Variants in TMEM59 observed in about 807,000 individuals in gnomAD.
TMEM59 encodes the protein dendritic cell factor 1.
A neutral mutation model predicts 42.2 loss-of-function variants in TMEM59; 44 were observed. The observed-to-expected ratio is 1.04, with a 90% CI of 0.82 to 1.34. The LOEUF (loss-of-function observed/expected upper bound fraction) is 1.34. TMEM59 is among the 40% of genes most tolerant of loss of function. The probability of loss-of-function intolerance (pLI) is 0.00; values close to 1 mark genes in which losing one functional copy is unlikely to be tolerated. For missense variants in TMEM59, 359 were observed against 382.8 expected, an observed-to-expected ratio of 0.94 and a Z score of 0.52; for synonymous variants, 148 against 145.8, an observed-to-expected ratio of 1.02 and a Z score of -0.11.
intron 6 of TMEM59, among the ~76,000 whole-genome samples, chr1:54,039,574 A>C (rs935330214): frequency 1.3e-5 from 2 of 152,214 alleles, no homozygotes; most frequent in Non-Finnish European, 2.9e-5. Flanking sequence ...TTAATTTGTA[A>C]GGTCCACATA....
rs1321334751 is a variant in TMEM59, at chr1:54,053,190, T to C, written c.-2A>G. The C allele has an allele frequency of 6.2e-7, 1 of 1,613,782 alleles. No individual in the cohort carries two copies. Among genetic ancestry groups the C allele is most frequent in the Non-Finnish European group, 8.5e-7 (1 of 1,179,918 alleles). Reference sequence around the variant, plus strand: ...GAGGCTCCCCTTCGGCGCCGCCATCTTGTTCCCCTCTGTCACAGCAGCTCA... The same window carrying C: ...GAGGCTCCCCTTCGGCGCCGCCATCCTGTTCCCCTCTGTCACAGCAGCTCA... On this transcript the variant is annotated 5_prime_UTR_variant, in exon 1 of 8. Transcript: ENST00000234831.
intron 2 of TMEM59, among the ~76,000 whole-genome samples, chr1:54,046,749 C>G (rs1657352009): frequency 6.6e-6 from 1 of 152,126 alleles, no homozygotes; most frequent in Non-Finnish European, 1.5e-5. Flanking sequence ...CAATTGTGTC[C>G]TGATTATAGG....
Position 54,040,802 on chromosome 1 carries a change from A to G in TMEM59, c.661T>C (p.Phe221Leu), listed in dbSNP as rs1467397956. 2 of 1,613,782 alleles carry G rather than the reference A, an allele frequency of 1.2e-6. No homozygotes were observed. The highest frequency in any genetic ancestry group is 1.7e-6 in the Non-Finnish European group (2 of 1,179,814). ...CCATCACTTTCTCCATCTTCAAGAA[A>G]ATTCCTGTGCGCTTGTGAATTTCTC... Reference protein sequence around the residue: ...QMRNSQAHRNFLEDGESDGFL... With the variant: ...QMRNSQAHRNLLEDGESDGFL... The change falls in exon 6 of 8, where the codon TTT (phenylalanine) becomes CTT (leucine). Residue 221 changes from phenylalanine to leucine, a missense_variant. By Grantham distance (22) the Phe-to-Leu change is conservative. Coordinates refer to ENST00000234831, the MANE Select transcript of TMEM59 (RefSeq NM_004872.5).
Position 54,040,774 on chromosome 1 carries a change from A to C in TMEM59, c.689T>G (p.Phe230Cys). The C allele has an allele frequency of 6.2e-7, 1 of 1,613,776 alleles. No individual in the cohort carries two copies. Among genetic ancestry groups the C allele is most frequent in the Non-Finnish European group, 8.5e-7 (1 of 1,179,750 alleles). ...NFLEDGESDG[F>C]LRCLSLNSGW... is the part of the protein sequence containing the mutation. Reference sequence around the variant, plus strand: ...TACATACAGAGAGAGGCATCTTAAAAAGCCATCACTTTCTCCATCTTCAAG... The same window carrying C: ...TACATACAGAGAGAGGCATCTTAAACAGCCATCACTTTCTCCATCTTCAAG... Residue 230 changes from phenylalanine (F) to cysteine (C), a missense_variant, in exon 6 of 8, where the codon TTT becomes TGT. Phe to Cys is a radical substitution (Grantham distance 205, BLOSUM62 -2). Coordinates refer to ENST00000234831, the MANE Select transcript of TMEM59 (RefSeq NM_004872.5).
Position 54,053,002 on chromosome 1 carries a change from T to TA in TMEM59, c.186dup (p.Lys63Ter), listed in dbSNP as rs1557682739. 1 of 1,612,460 alleles carries TA rather than the reference T, an allele frequency of 6.2e-7. No homozygotes were observed. Among genetic ancestry groups the TA allele is most frequent in the South Asian group, 1.1e-5 (1 of 90,890 alleles). Reference sequence around the variant, plus strand: ...AGCCCGCTCCGGACGGGCCCTACCTTAGGGTAGGTGTGCAAGGGGTAGGTC... The same window carrying TA: ...AGCCCGCTCCGGACGGGCCCTACCTTAAGGGTAGGTGTGCAAGGGGTAGGTC... On this transcript the variant is annotated frameshift_variant, in exon 1 of 8. Transcript: ENST00000234831. LOFTEE classifies it high-confidence loss of function.
Position 54,043,257 on chromosome 1 carries a change from T to A in TMEM59, c.543+116A>T, listed in dbSNP as rs932053918. 3 of 947,976 alleles carry A rather than the reference T, an allele frequency of 3.2e-6. No individual in the cohort carries two copies. In the African/African-American group the frequency reaches 5.2e-5, roughly 16 times the overall value. The allele number at this position is 947,976 out of a possible 1,614,324, so 58.7% of individuals were successfully genotyped here. ...TGTAGGGCCAAATAAGTAATTATTA[T>A]TTGATGATAAATATTTGTAAGTGAC... On this transcript the variant is annotated intron_variant, in intron 4 of 7. Transcript: ENST00000234831.
At chr1:54,053,438 T>C (rs983686423), upstream of TMEM59, 11 of 521,996 alleles carry the variant, frequency 2.1e-5, no homozygotes, top group Middle Eastern at 5.0e-4. Flanking sequence ...AAGCGGGGCC[T>C]CCTGACTTCT....
rs961739160 is a variant in TMEM59 at position 54,030,476 on chromosome 1, AC to A, written c.*1673del. 1.3e-5 allele frequency: 2 copies of A among 151,994 alleles called. No homozygotes were observed. Among genetic ancestry groups the A allele is most frequent in the African/African-American group, 4.8e-5 (2 of 41,322 alleles). The allele number at this position is 151,994 out of a possible 1,614,324, so 9.4% of individuals were successfully genotyped here. On this transcript the variant is annotated 3_prime_UTR_variant, in exon 8 of 8. Coordinates refer to ENST00000234831, the MANE Select transcript of TMEM59 (RefSeq NM_004872.5). Reference sequence around the variant, plus strand: ...CCCATGTTTGTTTGTATTTTTTTGTACAGAGAGGGTCTTGCTATGTTGCCCA... The same window carrying A: ...CCCATGTTTGTTTGTATTTTTTTGTAAGAGAGGGTCTTGCTATGTTGCCCA...
At position 54,041,604 on chromosome 1, in the gene TMEM59, C is replaced by T. The variant is rs779109001; in HGVS notation, c.625+120G>A. 4.8e-4 allele frequency: 363 copies of T among 753,808 alleles called. No homozygotes were observed. The Middle Eastern group carries it at 5.4e-3, about 11-fold the overall frequency. 46.7% of individuals were successfully genotyped at this position (753,808 alleles called of 1,614,324 possible). ...TGTAATACACATGAAAGTTTGAGAA[C>T]CACTGTTTTAGAAATTATCTGTTTA... is the stretch of plus-strand genomic sequence containing the variant. On this transcript the variant is annotated intron_variant, in intron 5 of 7. Coordinates refer to ENST00000234831, the MANE Select transcript of TMEM59 (RefSeq NM_004872.5).
chr1:54,051,845 C>CT (rs1023185338), intron 1 of TMEM59, among the ~76,000 whole-genome samples: 10 of 152,168 alleles, frequency 6.6e-5, no homozygotes, highest in Admixed American at 2.6e-4. Context: ...TTCTCCCACA[C>CT]TTTTTTTTGA....
At chr1:54,048,984 T>C (rs1657438883) in intron 1 of TMEM59, among the ~76,000 whole-genome samples, 1 of 152,234 alleles carries the variant, frequency 6.6e-6, no homozygotes, top group African/African-American at 2.4e-5. Flanking sequence ...AATTATTTTA[T>C]GTCTCTGGAG....
In TMEM59 at chr1:54,040,046, C is replaced by G. The variant is rs1181078225; in HGVS notation, c.707+710G>C. 2.6e-5 allele frequency among the ~76,000 whole-genome samples: 4 copies of G among 152,112 alleles called. No homozygotes were observed. The East Asian group carries it at 7.7e-4, about 29-fold the overall frequency. ...TATTCCTTAGTATAGAATACAAAGC[C>G]CTTCTTAATCTAGAGTCTTTATCCA... On this transcript the variant is annotated intron_variant, in intron 6 of 7. Transcript: ENST00000234831.
In TMEM59 at chr1:54,029,599, TG is replaced by T. The variant is rs1656703114; in HGVS notation, c.*2550del. On this transcript the variant is annotated 3_prime_UTR_variant, in exon 8 of 8. Coordinates refer to ENST00000234831, the MANE Select transcript of TMEM59 (RefSeq NM_004872.5). ...GAGAAGGGGCTTGGAAGCTCAGTTT[TG>T]TTGCTTTGGTTGGGATTTTCAAGAT... The T allele has an allele frequency of 6.6e-6, 1 of 152,222 alleles. No homozygotes were observed. The highest frequency in any genetic ancestry group is 6.5e-5 in the Admixed American group (1 of 15,288). 9.4% of individuals were successfully genotyped at this position (152,222 alleles called of 1,614,324 possible). A position where few individuals can be genotyped will look rare whatever the true frequency, so the allele number is the denominator to read the frequency against.
chr1:54,046,396 T>C (rs1375279537), intron 2 of TMEM59, among the ~76,000 whole-genome samples: 2 of 152,212 alleles, frequency 1.3e-5, no homozygotes, highest in East Asian at 1.9e-4. Flanking sequence ...ATAATTCTAA[T>C]GTTGAAATGG....
chr1:54,036,568 T>C (rs1656955605), intron 7 of TMEM59, 42 bp downstream of exon 7: 2 of 1,428,782 alleles, frequency 1.4e-6, no homozygotes, highest in Non-Finnish European at 1.9e-6. Flanking sequence ...TAAAATGATA[T>C]ATCACAGGGC....
Position 54,040,836 on chromosome 1 carries a change from A to G in TMEM59, c.627T>C (p.Tyr209=). The change falls in exon 6 of 8, where the codon TAT becomes TAC. Residue 209 remains tyrosine (Y), a splice_region_variant and synonymous_variant. Coordinates refer to ENST00000234831, the MANE Select transcript of TMEM59 (RefSeq NM_004872.5). ...LRESSLSKMS[Y]LQMRNSQAHR... ...GCGCTTGTGAATTTCTCATTTGCAG[A>G]TCTGCTGAAATAGTAAGTATGAGTT... 1 of 1,613,278 alleles carries G rather than the reference A, an allele frequency of 6.2e-7. No homozygotes were observed. The highest frequency in any genetic ancestry group is 1.1e-5 in the South Asian group (1 of 91,040).
chr1:54,039,794 C>T (rs974870190), intron 6 of TMEM59, among the ~76,000 whole-genome samples: 11 of 152,038 alleles, frequency 7.2e-5, no homozygotes, highest in African/African-American at 2.7e-4. Flanking sequence ...AGTGGTATGG[C>T]CCACTATCTT....
At position 54,028,490 on chromosome 1, in the gene TMEM59, T is replaced by G. The variant is rs959990018; in HGVS notation, c.*3660A>C. 1 of 152,206 alleles carries G rather than the reference T, an allele frequency of 6.6e-6. No individual in the cohort carries two copies. Among genetic ancestry groups the G allele is most frequent in the African/African-American group, 2.4e-5 (1 of 41,424 alleles). The allele number at this position is 152,206 out of a possible 1,614,324, so 9.4% of individuals were successfully genotyped here. On this transcript the variant is annotated 3_prime_UTR_variant, in exon 8 of 8. Transcript: ENST00000234831. Reference sequence around the variant, plus strand: ...CTCAGGATCAAGTGCAGGTTTAAAGTGCAGGTTTATTACCTGGTCTGCCTA... The same window carrying G: ...CTCAGGATCAAGTGCAGGTTTAAAGGGCAGGTTTATTACCTGGTCTGCCTA...
intron 7 of TMEM59, among the ~76,000 whole-genome samples, chr1:54,035,255 A>G (rs1479563952): frequency 6.6e-6 from 1 of 152,180 alleles, no homozygotes; most frequent in Non-Finnish European, 1.5e-5. Flanking sequence ...AGGATAAGAC[A>G]GTTGTTCAGG....
Sources: gnomAD v4.1 joint callset for allele counts (sites outside exome capture counted in the v4.1 genomes callset) on GRCh38, gnomAD v4.1.1 for gene constraint, MANE v1.5 for transcripts, NCBI Gene and HGNC (gene_info 2026-07-23, HGNC 2026-07-21) for gene names.